Variants in DPYD observed in about 807,000 individuals in gnomAD.
DPYD encodes the protein dihydropyrimidine dehydrogenase [NADP(+)].
A neutral mutation model predicts 116.2 loss-of-function variants in DPYD; 109 were observed. The observed-to-expected ratio is 0.94, with a 90% confidence interval of 0.80 to 1.10. DPYD has a LOEUF of 1.10. DPYD is among the 50% of genes least tolerant of loss of function. The probability of loss-of-function intolerance (pLI) is 0.00; values close to 1 mark genes in which losing one functional copy is unlikely to be tolerated. For synonymous variants in DPYD, 440 were observed against 432.0 expected (o/e 1.02, Z -0.23); for missense variants, 1,302 against 1,254.5 (o/e 1.04, Z -0.57).
At chr1:97,829,834 G>T (rs965777041) in intron 2 of DPYD, among the ~76,000 whole-genome samples, 1 of 151,534 alleles carries the variant, frequency 6.6e-6, no homozygotes, top group South Asian at 2.1e-4. Context: ...GTGCCATGTT[G>T]GCTTGCTGCA....
intron 8 of DPYD, among the ~76,000 whole-genome samples, chr1:97,625,966 T>C (rs1656904546): frequency 6.6e-6 from 1 of 152,074 alleles, no homozygotes; most frequent in Admixed American, 6.6e-5. Context: ...TGGCAGATGA[T>C]GAATCTGTCA....
chr1:97,375,029 C>CAAA lies in DPYD; in HGVS notation c.1975-1388_1975-1386dup, dbSNP rs35693384. ...GGGTGACACAGCGAGACTCCAGTTCCAAAAAAAAAAAAAAAAAAAGTTATT... is the reference window on the plus strand; with the variant it reads ...GGGTGACACAGCGAGACTCCAGTTCCAAAAAAAAAAAAAAAAAAAAAAGTTATT... On this transcript the variant is annotated intron_variant, in intron 15 of 22. Coordinates refer to ENST00000370192, the MANE Select transcript of DPYD (RefSeq NM_000110.4). Among the ~76,000 whole-genome samples, 279 of 115,930 alleles carry CAAA rather than the reference C, an allele frequency of 2.4e-3. 6 individuals are homozygous for CAAA. Among genetic ancestry groups the CAAA allele is most frequent in the East Asian group, 0.013 (49 of 3,792 alleles). 76.1% of individuals were successfully genotyped at this position (115,930 alleles called of 152,430 possible).
chr1:97,747,614 C>T (rs1246450612), intron 3 of DPYD, among the ~76,000 whole-genome samples: 1 of 152,130 alleles, frequency 6.6e-6, no homozygotes, highest in Non-Finnish European at 1.5e-5. Flanking sequence ...TAGCATAAGT[C>T]AGTCAGATAA....
chr1:97,145,888 T>C (rs1654589192), intron 20 of DPYD, among the ~76,000 whole-genome samples: 1 of 151,916 alleles, frequency 6.6e-6, no homozygotes, highest in South Asian at 2.1e-4. Flanking sequence ...CATGAATACA[T>C]TGCTTTTTTA....
intron 8 of DPYD, among the ~76,000 whole-genome samples, chr1:97,645,418 T>C (rs954949351): frequency 3.3e-5 from 5 of 152,136 alleles, no homozygotes; most frequent in Admixed American, 1.3e-4. Context: ...TTGTGAAATA[T>C]ATTATTTTAT....
chr1:97,456,439 G>T (rs572239524), intron 13 of DPYD, among the ~76,000 whole-genome samples: 1 of 152,068 alleles, frequency 6.6e-6, no homozygotes, highest in South Asian at 2.1e-4. Context: ...TCTCCACAGA[G>T]GGCTTTCTCT....
intron 3 of DPYD, among the ~76,000 whole-genome samples, chr1:97,752,411 G>A (rs916334992): frequency 6.6e-6 from 1 of 151,970 alleles, no homozygotes; most frequent in Non-Finnish European, 1.5e-5. Context: ...TACGCCAAGT[G>A]AAAGGATAAT....
intron 18 of DPYD, among the ~76,000 whole-genome samples, chr1:97,297,713 T>A (rs894363108): frequency 4.6e-5 from 7 of 152,208 alleles, no homozygotes; most frequent in Non-Finnish European, 1.0e-4. Flanking sequence ...TTTAAGGGTT[T>A]GAGAACATAA....
At chr1:97,832,047 G>T (rs943382887) in intron 2 of DPYD, among the ~76,000 whole-genome samples, 4 of 114,530 alleles carry the variant, frequency 3.5e-5, no homozygotes, top group South Asian at 2.9e-4. Flanking sequence ...ATAATGTATT[G>T]TGTGTGTGTG....
chr1:97,627,878 T>C (rs1056694980), intron 8 of DPYD, among the ~76,000 whole-genome samples: 2 of 151,908 alleles, frequency 1.3e-5, no homozygotes, highest in South Asian at 4.1e-4. Flanking sequence ...ATAATACTAT[T>C]AGGTTCAGGA....
At chr1:97,730,127 T>G (rs777828808) in intron 4 of DPYD, among the ~76,000 whole-genome samples, 9 of 152,200 alleles carry the variant, frequency 5.9e-5, no homozygotes, top group Admixed American at 2.6e-4. Context: ...ATTTTTTCTT[T>G]TATTAATGTC....
At chr1:97,429,898 A>G (rs2101725932) in intron 14 of DPYD, among the ~76,000 whole-genome samples, 1 of 152,250 alleles carries the variant, frequency 6.6e-6, no homozygotes, top group African/African-American at 2.4e-5. Context: ...GGGGGTAATC[A>G]ATAATCAAAA....
chr1:97,871,831 T>C (rs6604092), intron 2 of DPYD, among the ~76,000 whole-genome samples: 148,157 of 151,824 alleles, frequency 0.98, 72,402 homozygotes, highest in Middle Eastern at 1. Context: ...TATCATGATG[T>C]GCTTCCATAT....
intron 12 of DPYD, among the ~76,000 whole-genome samples, chr1:97,532,103 C>G (rs557103181): frequency 3.3e-5 from 5 of 151,850 alleles, no homozygotes; most frequent in African/African-American, 1.2e-4. Context: ...GATATGGATG[C>G]CTTTTATTTC....
At chr1:97,111,220 G>A (rs1156898329) in intron 20 of DPYD, among the ~76,000 whole-genome samples, 2 of 151,932 alleles carry the variant, frequency 1.3e-5, no homozygotes, top group Non-Finnish European at 2.9e-5. Context: ...TTGGTATAAC[G>A]TATCCTCCTT....
chr1:97,283,635 T>A (rs1665473394), intron 18 of DPYD, among the ~76,000 whole-genome samples: 1 of 152,158 alleles, frequency 6.6e-6, no homozygotes, highest in Non-Finnish European at 1.5e-5. Flanking sequence ...CAATTTGAAA[T>A]AAACGCTGTA....
At chr1:97,312,331 A>G (rs1415613447) in intron 16 of DPYD, among the ~76,000 whole-genome samples, 1 of 151,882 alleles carries the variant, frequency 6.6e-6, no homozygotes, top group Non-Finnish European at 1.5e-5. Context: ...AAGTAAATTA[A>G]TAACTCCTTT....
chr1:97,252,986 T>A (rs868040209), intron 18 of DPYD, among the ~76,000 whole-genome samples: 12 of 152,230 alleles, frequency 7.9e-5, no homozygotes, highest in Non-Finnish European at 1.2e-4. Flanking sequence ...TCTTAAAATT[T>A]AAAATTTGAA....
chr1:97,662,415 G>T (rs547465631), intron 8 of DPYD, among the ~76,000 whole-genome samples: 3 of 151,472 alleles, frequency 2.0e-5, no homozygotes, highest in Non-Finnish European at 2.9e-5. Flanking sequence ...GGCAAATGAC[G>T]AGGTCCAGAG....
Sources: allele counts gnomAD v4.1 joint callset (sites outside exome capture counted in the v4.1 genomes callset), GRCh38; gene constraint gnomAD v4.1.1; transcripts MANE v1.5; gene names NCBI Gene and HGNC (gene_info 2026-07-23, HGNC 2026-07-21).